Variants in ARHGAP26 observed in about 807,000 individuals in gnomAD.
ARHGAP26 encodes rho GTPase-activating protein 26.
Under a neutral mutation model 104.8 loss-of-function variants are expected in ARHGAP26, and 38 were observed. The observed-to-expected ratio is 0.36, with a 90% CI of 0.28 to 0.48. ARHGAP26 has a LOEUF of 0.48. ARHGAP26 is among the 20% of genes least tolerant of loss of function. The pLI, the probability that ARHGAP26 is intolerant of heterozygous loss-of-function variation, is 0.99. For missense variants in ARHGAP26, 704 were observed against 947.9 expected (o/e 0.74, Z 3.38); for synonymous variants, 341 against 340.0 (o/e 1.00, Z -0.03).
intron 4 of ARHGAP26, among the ~76,000 whole-genome samples, chr5:142,883,410 A>T (rs145703831): frequency 1.3e-5 from 2 of 152,352 alleles, no homozygotes; most frequent in Admixed American, 1.3e-4. Context: ...AATTTGAAGG[A>T]GTAATGTGTC....
At chr5:143,195,715 C>T (rs943591959) in intron 20 of ARHGAP26, among the ~76,000 whole-genome samples, 2 of 152,114 alleles carry the variant, frequency 1.3e-5, no homozygotes, top group African/African-American at 4.8e-5. Flanking sequence ...CAACCTAAAC[C>T]GTGGATTGGT....
At chr5:142,941,491 C>G (rs1215174205) in intron 11 of ARHGAP26, among the ~76,000 whole-genome samples, 1 of 152,186 alleles carries the variant, frequency 6.6e-6, no homozygotes. Context: ...TAGGAAATTA[C>G]ATTATATGCT....
At chr5:142,886,773 A>G (rs891076799) in intron 5 of ARHGAP26, among the ~76,000 whole-genome samples, 2 of 152,192 alleles carry the variant, frequency 1.3e-5, no homozygotes, top group African/African-American at 2.4e-5. Flanking sequence ...CCAACTTGAC[A>G]TGAGGATATG....
chr5:143,001,591 A>AT (rs1378293329), intron 11 of ARHGAP26, among the ~76,000 whole-genome samples: 1 of 152,156 alleles, frequency 6.6e-6, no homozygotes, highest in Non-Finnish European at 1.5e-5. Flanking sequence ...GGGTATGTGG[A>AT]TTGGGAGTAA....
chr5:143,084,220 TA>T (rs1339121533), intron 17 of ARHGAP26, among the ~76,000 whole-genome samples: 1 of 152,230 alleles, frequency 6.6e-6, no homozygotes, highest in Non-Finnish European at 1.5e-5. Flanking sequence ...TCCCTGCCAT[TA>T]AAACTTAATC....
Position 143,222,362 on chromosome 5 carries a change from C to T in ARHGAP26, c.2196C>T (p.His732=). 5 of 1,595,388 alleles carry T rather than the reference C, an allele frequency of 3.1e-6. No individual in the cohort carries two copies. The South Asian group carries it at 4.5e-5, about 14-fold the overall frequency. The part of the protein sequence containing the change: ...FTAGTVFDNV[H]PSQEPGWLEG... ...TTCTCTCCCCTTCCTGTACAGTTCA[C>T]CCATCTCAGGAGCCTGGCTGGTTGG... Residue 732 remains histidine, a synonymous_variant, in exon 23 of 23, where the codon CAC becomes CAT. Coordinates refer to ENST00000645722, the MANE Select transcript of ARHGAP26 (RefSeq NM_001135608.3).
intron 11 of ARHGAP26, among the ~76,000 whole-genome samples, chr5:142,986,350 G>C (rs1452606930): frequency 3.3e-5 from 5 of 152,036 alleles, no homozygotes; most frequent in Non-Finnish European, 5.9e-5. Context: ...TTTTTGATGG[G>C]GTTGTTTGAT....
At chr5:143,038,637 T>C (rs568683029) in intron 13 of ARHGAP26, among the ~76,000 whole-genome samples, 4 of 148,458 alleles carry the variant, frequency 2.7e-5, no homozygotes, top group Non-Finnish European at 5.9e-5. Context: ...AGTAAAAAAC[T>C]GTGAATCACT....
At chr5:142,811,765 G>A (rs1255193681) in intron 1 of ARHGAP26, among the ~76,000 whole-genome samples, 1 of 152,228 alleles carries the variant, frequency 6.6e-6, no homozygotes, top group Non-Finnish European at 1.5e-5. Context: ...CTTAATAAAT[G>A]CTAGCTTTTC....
In ARHGAP26 at chr5:143,065,025, C is replaced by T. The variant is rs1261846577; in HGVS notation, c.1538+7278C>T. Among the ~76,000 whole-genome samples the T allele has an allele frequency of 2.0e-5, 3 of 152,142 alleles. No individual in the cohort carries two copies. The South Asian group carries it at 6.2e-4, about 31-fold the overall frequency. On this transcript the variant is annotated intron_variant, in intron 17 of 22. Transcript: ENST00000645722. ...TCAATAAATTTCCTGTTTTCTGATT[C>T]ATCTCTTCCTTTTCTGAGTCCATGG...
intron 9 of ARHGAP26, among the ~76,000 whole-genome samples, chr5:142,909,759 T>A (rs1253443874): frequency 6.6e-6 from 1 of 152,248 alleles, no homozygotes; most frequent in Non-Finnish European, 1.5e-5. Context: ...CCTGCTTTCC[T>A]TGGATTGAGC....
chr5:143,110,779 A>G (rs1794685331), intron 17 of ARHGAP26, among the ~76,000 whole-genome samples: 1 of 152,228 alleles, frequency 6.6e-6, no homozygotes, highest in African/African-American at 2.4e-5. Context: ...TTTCTGAGTC[A>G]GCTTCTCTGC....
intron 18 of ARHGAP26, among the ~76,000 whole-genome samples, chr5:143,122,728 A>C (rs1305740524): frequency 6.6e-6 from 1 of 152,214 alleles, no homozygotes; most frequent in Non-Finnish European, 1.5e-5. Flanking sequence ...GACTTCCTTC[A>C]GTGCTGACTA....
At chr5:142,838,088 G>A (rs943562593) in intron 1 of ARHGAP26, among the ~76,000 whole-genome samples, 6 of 152,008 alleles carry the variant, frequency 3.9e-5, no homozygotes, top group Admixed American at 1.3e-4. Flanking sequence ...GTGAAACCCC[G>A]TCTACTAAAA....
chr5:142,876,907 G>A (rs1345869888), intron 3 of ARHGAP26, among the ~76,000 whole-genome samples: 1 of 151,650 alleles, frequency 6.6e-6, no homozygotes, highest in African/African-American at 2.4e-5. Context: ...ACCAGAATCA[G>A]AAGGGTGGTG....
At chr5:142,998,328 C>G (rs922256683) in intron 11 of ARHGAP26, among the ~76,000 whole-genome samples, 3 of 152,130 alleles carry the variant, frequency 2.0e-5, no homozygotes, top group African/African-American at 7.2e-5. Flanking sequence ...TTAAAGGACA[C>G]AGGTGGTCAG....
intron 1 of ARHGAP26, among the ~76,000 whole-genome samples, chr5:142,822,518 T>C (rs1184137904): frequency 6.6e-6 from 1 of 152,166 alleles, no homozygotes; most frequent in Non-Finnish European, 1.5e-5. Context: ...AAGTATAATG[T>C]GGTACTGGAG....
chr5:143,214,093 G>A lies in ARHGAP26; in HGVS notation c.2191+5G>A, dbSNP rs1809944078. ...CAGGCACGGTCTTCGATAACGGTGA[G>A]TTTCTCATCCCCTCACAAAGATATG... On this transcript the variant is annotated splice_donor_5th_base_variant and intron_variant, in intron 22 of 22. Transcript: ENST00000645722. 1 of 1,113,006 alleles carries A rather than the reference G, an allele frequency of 9.0e-7. No homozygotes were observed. The highest frequency in any genetic ancestry group is 1.3e-6 in the Non-Finnish European group (1 of 795,370). 68.9% of individuals were successfully genotyped at this position (1,113,006 alleles called of 1,614,324 possible). A position where few individuals can be genotyped will look rare whatever the true frequency, so the allele number is the denominator to read the frequency against.
intron 4 of ARHGAP26, among the ~76,000 whole-genome samples, chr5:142,879,967 T>C (rs1184533505): frequency 6.6e-6 from 1 of 152,186 alleles, no homozygotes; most frequent in Non-Finnish European, 1.5e-5. Context: ...TCTTTAAATG[T>C]TTCAAGACAA....
Sources: gnomAD v4.1 joint callset for allele counts (sites outside exome capture counted in the v4.1 genomes callset) on GRCh38, gnomAD v4.1.1 for gene constraint, MANE v1.5 for transcripts, NCBI Gene and HGNC (gene_info 2026-07-23, HGNC 2026-07-21) for gene names.